The following TTC28 variants were observed in gnomAD, a reference collection of about 807,000 sequenced individuals.
TTC28 encodes tetratricopeptide repeat domain 28, also known as tetratricopeptide repeat protein 28.
A neutral mutation model predicts 198.0 loss-of-function variants in TTC28; 61 were observed. The ratio of observed to expected loss-of-function variants is 0.31; its 90% CI spans 0.25 to 0.38. The LOEUF is 0.38. TTC28 is among the 10% of genes least tolerant of loss of function. The pLI, the probability that TTC28 is intolerant of heterozygous loss-of-function variation, is 1.00. For synonymous variants in TTC28, 1,171 were observed against 1,297.8 expected, an observed-to-expected ratio of 0.90 and a Z score of 2.10; for missense variants, 2,678 against 3,164.0, an observed-to-expected ratio of 0.85 and a Z score of 3.69.
intron 2 of TTC28, among the ~76,000 whole-genome samples, chr22:28,347,280 A>C (rs1224281095): frequency 1.3e-5 from 2 of 151,530 alleles, no homozygotes; most frequent in Non-Finnish European, 2.9e-5. Context: ...GGAAAAAAAA[A>C]AAAAACAAAA....
At chr22:28,170,070 C>G (rs984063374) in intron 5 of TTC28, among the ~76,000 whole-genome samples, 3 of 152,092 alleles carry the variant, frequency 2.0e-5, no homozygotes, top group Non-Finnish European at 4.4e-5. Flanking sequence ...TATACCTCAT[C>G]TCCTAGAAAC....
chr22:28,213,653 T>C (rs1298693571), intron 5 of TTC28, among the ~76,000 whole-genome samples: 3 of 142,966 alleles, frequency 2.1e-5, no homozygotes, highest in Non-Finnish European at 4.5e-5. Context: ...TGGAAGAACA[T>C]TCCATGCTCC....
chr22:28,426,887 A>G (rs1188353770), intron 2 of TTC28, among the ~76,000 whole-genome samples: 1 of 152,232 alleles, frequency 6.6e-6, no homozygotes, highest in Non-Finnish European at 1.5e-5. Context: ...TATCACAGGC[A>G]GCATCTCACT....
intron 6 of TTC28, among the ~76,000 whole-genome samples, chr22:28,116,283 T>C (rs1212500313): frequency 6.6e-6 from 1 of 152,226 alleles, no homozygotes; most frequent in Non-Finnish European, 1.5e-5. Context: ...TGCAGGTGAA[T>C]AGCTCAGAAA....
chr22:28,532,329 C>CACAA (rs925007992), intron 2 of TTC28, among the ~76,000 whole-genome samples: 12 of 152,156 alleles, frequency 7.9e-5, no homozygotes, highest in Non-Finnish European at 1.6e-4. Flanking sequence ...AATTCCTGGA[C>CACAA]ACATACACCC....
At chr22:28,521,648 G>A (rs930820275) in intron 2 of TTC28, among the ~76,000 whole-genome samples, 17 of 152,156 alleles carry the variant, frequency 1.1e-4, no homozygotes, top group Non-Finnish European at 8.8e-5. Context: ...CAGAGCTTTG[G>A]TTGTCTCTTG....
intron 2 of TTC28, among the ~76,000 whole-genome samples, chr22:28,359,216 T>C (rs2046122020): frequency 6.6e-6 from 1 of 152,132 alleles, no homozygotes; most frequent in Non-Finnish European, 1.5e-5. Context: ...ATAAAAGAAG[T>C]ACAAAAAACT....
intron 2 of TTC28, among the ~76,000 whole-genome samples, chr22:28,381,991 A>G (rs1160076902): frequency 1.3e-5 from 2 of 152,174 alleles, no homozygotes; most frequent in African/African-American, 4.8e-5. Context: ...GCTAAAGGGT[A>G]AAATGGACAA....
chr22:28,187,101 T>A (rs1260677255), intron 5 of TTC28, among the ~76,000 whole-genome samples: 1 of 152,204 alleles, frequency 6.6e-6, no homozygotes, highest in African/African-American at 2.4e-5. Context: ...AGTGACTTCA[T>A]TCTGTAGTTG....
intron 1 of TTC28, among the ~76,000 whole-genome samples, chr22:28,651,645 C>T (rs1299050117): frequency 6.6e-6 from 1 of 152,018 alleles, no homozygotes; most frequent in Non-Finnish European, 1.5e-5. Flanking sequence ...CTCCTTGGCT[C>T]AAGCGATTCT....
chr22:28,158,397 T>C (rs374976126), intron 6 of TTC28, among the ~76,000 whole-genome samples: 2 of 151,998 alleles, frequency 1.3e-5, no homozygotes, highest in South Asian at 4.2e-4. Flanking sequence ...TTCAAGGAAA[T>C]AGAAAAAACA....
intron 2 of TTC28, among the ~76,000 whole-genome samples, chr22:28,585,118 G>A (rs967219906): frequency 7.2e-5 from 11 of 152,086 alleles, no homozygotes; most frequent in African/African-American, 2.7e-4. Flanking sequence ...CAACCTTTTT[G>A]GCACCAGAGA....
intron 5 of TTC28, among the ~76,000 whole-genome samples, chr22:28,242,658 A>C (rs951838138): frequency 6.6e-6 from 1 of 152,138 alleles, no homozygotes; most frequent in Non-Finnish European, 1.5e-5. Flanking sequence ...TTTATGTTTA[A>C]TTGAAATAAT....
chr22:28,106,838 T>C (rs1251616342), intron 7 of TTC28, among the ~76,000 whole-genome samples: 1 of 152,238 alleles, frequency 6.6e-6, no homozygotes, highest in Non-Finnish European at 1.5e-5. Flanking sequence ...AGCTGCATAA[T>C]CTTAGGCATT....
intron 2 of TTC28, among the ~76,000 whole-genome samples, chr22:28,425,910 C>T (rs1018092898): frequency 2.0e-5 from 3 of 152,254 alleles, no homozygotes; most frequent in African/African-American, 4.8e-5. Flanking sequence ...TAGCAGCTAG[C>T]TTCCCTCAAC....
chr22:28,130,054 T>G (rs1943021047), intron 6 of TTC28, among the ~76,000 whole-genome samples: 1 of 152,226 alleles, frequency 6.6e-6, no homozygotes, highest in African/African-American at 2.4e-5. Context: ...TATTACCTAT[T>G]TTGTTTAATC....
chr22:28,536,978 A>G (rs1338763101), intron 2 of TTC28, among the ~76,000 whole-genome samples: 4 of 151,614 alleles, frequency 2.6e-5, no homozygotes, highest in East Asian at 1.9e-4. Flanking sequence ...TAGCATAATT[A>G]TAAGTACGGT....
intron 2 of TTC28, among the ~76,000 whole-genome samples, chr22:28,328,629 C>A (rs1651259222): frequency 6.6e-6 from 1 of 151,440 alleles, no homozygotes; most frequent in Non-Finnish European, 1.5e-5. Context: ...TAGCAGGCAC[C>A]TGTAATCCCA....
intron 2 of TTC28, among the ~76,000 whole-genome samples, chr22:28,611,024 A>G (rs1168060342): frequency 6.6e-6 from 1 of 152,190 alleles, no homozygotes; most frequent in Admixed American, 6.5e-5. Context: ...GATTAGAGAA[A>G]AAAGAAGGAA....
Sources: allele counts gnomAD v4.1 joint callset (sites outside exome capture counted in the v4.1 genomes callset), GRCh38; gene constraint gnomAD v4.1.1; transcripts MANE v1.5; gene names NCBI Gene and HGNC (gene_info 2026-07-23, HGNC 2026-07-21).